ZFR2: variants seen among roughly 807,000 people sequenced by gnomAD.
The protein encoded by ZFR2 is zinc finger RNA binding protein 2, also known as zinc finger RNA-binding protein 2.
ZFR2 carries 104 observed loss-of-function variants against 105.7 expected under a neutral mutation model. The ratio of observed to expected loss-of-function variants is 0.98; its 90% confidence interval spans 0.84 to 1.16. The LOEUF (loss-of-function observed/expected upper bound fraction) is 1.16, where lower values mean the gene tolerates loss of function less well. Among genes scored for constraint, ZFR2 ranks in the 50% most tolerant of loss-of-function variants. ZFR2 has a pLI of 0.00. For synonymous variants in ZFR2, 634 were observed against 597.7 expected, an observed-to-expected ratio of 1.06 and a Z score of -0.89; for missense variants, 1,425 against 1,355.5, an observed-to-expected ratio of 1.05 and a Z score of -0.80.
Position 3,827,700 on chromosome 19 carries a change from G to A in ZFR2, c.853-47C>T, listed in dbSNP as rs1377685483. 1.9e-6 allele frequency: 3 copies of A among 1,548,742 alleles called. No individual in the cohort carries two copies. In the East Asian group the frequency reaches 7.3e-5, roughly 38 times the overall value. On this transcript the variant is annotated intron_variant, in intron 5 of 18. Transcript: ENST00000262961. ...AGCCTGGGCGGGGGTTTGCACACTG[G>A]CCACTGTCCCCTCCCCTGCAGGCCC...
At chr19:3,837,507 G>T (rs566761330) in intron 1 of ZFR2, among the ~76,000 whole-genome samples, 62 of 145,206 alleles carry the variant, frequency 4.3e-4, no homozygotes, top group Non-Finnish European at 1.7e-4. Flanking sequence ...AATGAACACC[G>T]TGACCGTGAC....
At chr19:3,832,789 C>T (rs899467177) in intron 3 of ZFR2, among the ~76,000 whole-genome samples, 1 of 151,976 alleles carries the variant, frequency 6.6e-6, no homozygotes, top group Non-Finnish European at 1.5e-5. Context: ...GTGCACACCA[C>T]CATGCCTGGC....
intron 1 of ZFR2, among the ~76,000 whole-genome samples, chr19:3,854,718 A>G (rs1379520527): frequency 6.6e-6 from 1 of 152,216 alleles, no homozygotes; most frequent in East Asian, 1.9e-4. Flanking sequence ...CTTGCAGAGA[A>G]AAAGAGTTGG....
intron 10 of ZFR2, 119 bp from the exon 11 acceptor site, chr19:3,820,409 T>C (rs1032690182): frequency 1.1e-5 from 11 of 962,954 alleles, no homozygotes; most frequent in Admixed American, 2.9e-5. Flanking sequence ...AAGCTCTTGC[T>C]GGGGCTCCAC....
chr19:3,837,882 T>C (rs2038094196), intron 1 of ZFR2, among the ~76,000 whole-genome samples: 1 of 151,356 alleles, frequency 6.6e-6, no homozygotes, highest in African/African-American at 2.4e-5. Context: ...TTGAACACCA[T>C]GACTACAGAC....
rs2038020173 is a variant in ZFR2 at position 3,831,803 on chromosome 19, A to G, written c.455T>C (p.Ile152Thr). 1.9e-6 allele frequency: 3 copies of G among 1,609,496 alleles called. No individual in the cohort carries two copies. Among genetic ancestry groups the G allele is most frequent in the Non-Finnish European group, 2.5e-6 (3 of 1,179,360 alleles). Residue 152 changes from isoleucine (I) to threonine (T), a missense_variant, in exon 4 of 19, where the codon ATA (isoleucine) becomes ACA (threonine). Ile to Thr is a moderately conservative substitution (Grantham distance 89). Coordinates refer to ENST00000262961, the MANE Select transcript of ZFR2 (RefSeq NM_015174.2). The part of the protein sequence containing the change: ...SHAQPPQQAP[I>T]VESGQPASTL... ...GCTCGCTGGCTGTCCGGACTCCACT[A>G]TGGGCGCCTGCTGTGGGGGCTGAGC...
At chr19:3,818,817 G>A (rs1242204461) in intron 12 of ZFR2, among the ~76,000 whole-genome samples, 1 of 152,244 alleles carries the variant, frequency 6.6e-6, no homozygotes, top group Non-Finnish European at 1.5e-5. Context: ...GGAATGCTAA[G>A]GCATTAGAAC....
chr19:3,823,106 T>A lies in ZFR2; in HGVS notation c.1371+140A>T. The A allele has an allele frequency of 8.2e-7, 1 of 1,226,766 alleles. No homozygotes were observed. Among genetic ancestry groups the A allele is most frequent in the Non-Finnish European group, 1.1e-6 (1 of 870,490 alleles). 76.0% of individuals were successfully genotyped at this position (1,226,766 alleles called of 1,614,324 possible). On this transcript the variant is annotated intron_variant, in intron 8 of 18. Transcript: ENST00000262961. The surrounding 1 kb of genome is among the most constrained non-coding windows in gnomAD (Gnocchi z 5.4). ...CGGGTCTGCACGGGGTTTTGGTCCA[T>A]GGAGGTCTGGCCTGTGCAGCTCAGG... is the stretch of plus-strand genomic sequence containing the variant.
At chr19:3,829,605 T>G (rs1319772313) in intron 5 of ZFR2, among the ~76,000 whole-genome samples, 5 of 152,106 alleles carry the variant, frequency 3.3e-5, no homozygotes, top group African/African-American at 1.2e-4. Context: ...CTTGGACTCC[T>G]GGGCTCAAAC....
At chr19:3,824,380 C>T (rs925534648) in intron 7 of ZFR2, among the ~76,000 whole-genome samples, 8 of 152,194 alleles carry the variant, frequency 5.3e-5, no homozygotes, top group Non-Finnish European at 1.2e-4. Flanking sequence ...AGTGAGCAGA[C>T]GCCTGGCATG....
At chr19:3,853,813 A>C (rs1443073644) in intron 1 of ZFR2, among the ~76,000 whole-genome samples, 2 of 152,242 alleles carry the variant, frequency 1.3e-5, no homozygotes, top group Middle Eastern at 3.4e-3. Flanking sequence ...CACACCTGTT[A>C]ATCCCAGCAC....
chr19:3,818,607 CT>C (rs1255095348), intron 12 of ZFR2, among the ~76,000 whole-genome samples: 2 of 152,134 alleles, frequency 1.3e-5, no homozygotes, highest in Non-Finnish European at 2.9e-5. Context: ...TTCTCACTTC[CT>C]AAGAATCACA....
chr19:3,821,612 T>A, intron 9 of ZFR2, 133 bp from the exon 10 acceptor site: 2 of 403,590 alleles, frequency 5.0e-6, no homozygotes, highest in Non-Finnish European at 6.6e-6. Flanking sequence ...GCCTTTTTTT[T>A]TTTTTTTTTT....
At chr19:3,835,048 G>C (rs2038065961) in intron 1 of ZFR2, 65 bp from the exon 2 acceptor site, 1 of 1,523,328 alleles carries the variant, frequency 6.6e-7, no homozygotes, top group Non-Finnish European at 8.9e-7. Context: ...GCACTGAGTT[G>C]ACGGTGTCAA....
chr19:3,845,400 T>A (rs1348212736), intron 1 of ZFR2, among the ~76,000 whole-genome samples: 4 of 150,000 alleles, frequency 2.7e-5, no homozygotes, highest in Admixed American at 2.0e-4. Flanking sequence ...GGCAGGAAGA[T>A]GGCTTGAACC....
chr19:3,835,908 T>C (rs2038073262), intron 1 of ZFR2, among the ~76,000 whole-genome samples: 4 of 146,902 alleles, frequency 2.7e-5, no homozygotes. Context: ...AGCTATGATC[T>C]CACCACTGAA....
chr19:3,830,725 A>G (rs1263780071), intron 5 of ZFR2, among the ~76,000 whole-genome samples: 9 of 151,980 alleles, frequency 5.9e-5, no homozygotes, highest in Non-Finnish European at 1.0e-4. Context: ...AAAGAAGATC[A>G]GGGTGTGTGT....
In ZFR2 at chr19:3,834,982, C is replaced by T. The variant is rs139704128; in HGVS notation, c.55G>A (p.Ala19Thr). The T allele has an allele frequency of 2.4e-4, 393 of 1,607,744 alleles. 4 individuals are homozygous for T. In the East Asian group the frequency reaches 7.2e-3, roughly 29 times the overall value. Reference protein sequence around the residue: ...FAQGGGPQYSAQPPTLPLPTV... With the variant: ...FAQGGGPQYSTQPPTLPLPTV... ...GGCAGGGGAAGGGTCGGAGGCTGGGCGCTAGAACCACAAACACACACCAAA... is the reference window on the plus strand; with the variant it reads ...GGCAGGGGAAGGGTCGGAGGCTGGGTGCTAGAACCACAAACACACACCAAA... Residue 19 changes from alanine to threonine, a missense_variant and splice_region_variant, in exon 2 of 19, where the codon GCC becomes ACC. Ala to Thr is a moderately conservative substitution (Grantham distance 58, BLOSUM62 0). Transcript: ENST00000262961. This position sits in a 1 kb window ranked among gnomAD's most constrained non-coding sequence, Gnocchi z 5.3.
At chr19:3,866,189 T>G (rs762206062) in intron 1 of ZFR2, among the ~76,000 whole-genome samples, 2 of 152,182 alleles carry the variant, frequency 1.3e-5, no homozygotes, top group Non-Finnish European at 2.9e-5. Context: ...CAAAAGTCAT[T>G]TCCCACAAGA....
Sources: allele counts gnomAD v4.1 joint callset (sites outside exome capture counted in the v4.1 genomes callset), GRCh38; gene constraint gnomAD v4.1.1; non-coding constraint Gnocchi (gnomAD v3.1); transcripts MANE v1.5; gene names NCBI Gene and HGNC (gene_info 2026-07-23, HGNC 2026-07-21).